Variants in RPS6KA5 observed in about 807,000 individuals in gnomAD.
The protein encoded by RPS6KA5 is ribosomal protein S6 kinase A5, also known as ribosomal protein S6 kinase alpha-5.
In RPS6KA5, 27 loss-of-function variants were observed where a neutral mutation model predicts 85.5. The observed-to-expected ratio is 0.32, with a 90% CI of 0.23 to 0.44. The LOEUF is 0.44. Ranked by LOEUF, RPS6KA5 falls within the 20% of genes least tolerant of loss-of-function variation. The pLI, the probability that RPS6KA5 is intolerant of heterozygous loss-of-function variation, is 1.00. For missense variants in RPS6KA5, 811 were observed against 980.9 expected, an observed-to-expected ratio of 0.83 and a Z score of 2.31; for synonymous variants, 334 against 348.2, an observed-to-expected ratio of 0.96 and a Z score of 0.46.
chr14:90,966,901 C>T (rs2039089606), intron 3 of RPS6KA5, among the ~76,000 whole-genome samples: 1 of 152,138 alleles, frequency 6.6e-6, no homozygotes, highest in Non-Finnish European at 1.5e-5. Flanking sequence ...ACAGTAAGAA[C>T]ATCTTTCTTG....
At chr14:90,885,501 C>A (rs1190716802) in intron 14 of RPS6KA5, among the ~76,000 whole-genome samples, 1 of 91,884 alleles carries the variant, frequency 1.1e-5, no homozygotes, top group East Asian at 3.1e-4. Flanking sequence ...TGCAGTGAGC[C>A]GAGATCCCGC....
intron 5 of RPS6KA5, among the ~76,000 whole-genome samples, 196 bp from the exon 6 acceptor site, chr14:90,923,392 C>T (rs1219659380): frequency 6.6e-6 from 1 of 152,088 alleles, no homozygotes; most frequent in Non-Finnish European, 1.5e-5. Flanking sequence ...TCATCCCATC[C>T]CATCAGAAAG....
intron 3 of RPS6KA5, among the ~76,000 whole-genome samples, chr14:90,977,538 G>A (rs767315841): frequency 3.9e-5 from 6 of 152,204 alleles, no homozygotes; most frequent in Non-Finnish European, 8.8e-5. Flanking sequence ...TTTTCACCAG[G>A]AATGCAAAGC....
intron 5 of RPS6KA5, among the ~76,000 whole-genome samples, chr14:90,938,555 G>A (rs1188384865): frequency 6.6e-6 from 1 of 152,258 alleles, no homozygotes. Context: ...GCAAACGTCT[G>A]CCTGGGCATC....
chr14:90,982,564 G>C (rs569606235), intron 2 of RPS6KA5, among the ~76,000 whole-genome samples: 1 of 152,338 alleles, frequency 6.6e-6, no homozygotes, highest in African/African-American at 2.4e-5. Flanking sequence ...TCTAATTTCT[G>C]CATCAACATG....
At position 90,884,949 on chromosome 14, in the gene RPS6KA5, G is replaced by A. The variant is rs1028486226; in HGVS notation, c.1836+5538C>T. 2.6e-5 allele frequency among the ~76,000 whole-genome samples: 4 copies of A among 152,062 alleles called. 1 individual carries two copies. The East Asian group carries it at 7.7e-4, about 29-fold the overall frequency. On this transcript the variant is annotated intron_variant, in intron 14 of 16. Coordinates refer to ENST00000614987, the MANE Select transcript of RPS6KA5 (RefSeq NM_004755.4). ...GCCCCACTTCTTAACAGGTATGTTTGTGGCTAAATATAAGAAAGCAGGGCA... is the reference window on the plus strand; with the variant it reads ...GCCCCACTTCTTAACAGGTATGTTTATGGCTAAATATAAGAAAGCAGGGCA...
At chr14:90,979,645 C>T (rs892732695) in intron 2 of RPS6KA5, among the ~76,000 whole-genome samples, 1 of 152,224 alleles carries the variant, frequency 6.6e-6, no homozygotes, top group Admixed American at 6.5e-5. Flanking sequence ...AGTACCAACA[C>T]ACAATGTGCA....
At chr14:91,014,649 G>T (rs2041406071) in intron 1 of RPS6KA5, among the ~76,000 whole-genome samples, 1 of 151,878 alleles carries the variant, frequency 6.6e-6, no homozygotes, top group Non-Finnish European at 1.5e-5. Flanking sequence ...TAGAAAAACT[G>T]CTTATTTCTA....
chr14:91,060,610 C>T lies in RPS6KA5; in HGVS notation c.-176G>A. 1 of 877,318 alleles carries T rather than the reference C, an allele frequency of 1.1e-6. No individual in the cohort carries two copies. The highest frequency in any genetic ancestry group is 1.5e-6 in the Non-Finnish European group (1 of 664,168). 54.3% of individuals were successfully genotyped at this position (877,318 alleles called of 1,614,324 possible). ...TGGCCGCACGGCTCGCTCCTCGCCTCCTCCCCCTTCGGCGGGCACCGCTAG... is the reference window on the plus strand; with the variant it reads ...TGGCCGCACGGCTCGCTCCTCGCCTTCTCCCCCTTCGGCGGGCACCGCTAG... On this transcript the variant is annotated 5_prime_UTR_variant, in exon 1 of 17. Coordinates refer to ENST00000614987, the MANE Select transcript of RPS6KA5 (RefSeq NM_004755.4).
chr14:90,920,429 CCTT>C, intron 6 of RPS6KA5, 120 bp from the exon 7 acceptor site: 1 of 681,216 alleles, frequency 1.5e-6, no homozygotes, highest in African/African-American at 1.8e-5. Flanking sequence ...TTGTACACCT[CCTT>C]CTATGTAAGG....
At position 90,872,027 on chromosome 14, in the gene RPS6KA5, C is replaced by A; in HGVS notation, c.*47G>T. The A allele has an allele frequency of 6.4e-7, 1 of 1,571,214 alleles. No homozygotes were observed. Among genetic ancestry groups the A allele is most frequent in the East Asian group, 2.2e-5 (1 of 44,520 alleles). On this transcript the variant is annotated 3_prime_UTR_variant, in exon 17 of 17. Transcript: ENST00000614987. ...CATAAAAGATCGCCTCAGGCATATG[C>A]TGAGGGAATAAAGGTGCAATGGATC...
At chr14:90,973,520 CA>C (rs1236433050) in intron 3 of RPS6KA5, among the ~76,000 whole-genome samples, 1 of 151,694 alleles carries the variant, frequency 6.6e-6, no homozygotes, top group African/African-American at 2.4e-5. Context: ...TTTTTTCCCC[CA>C]AACAAGTAGA....
At chr14:91,033,828 AC>A (rs2042290924) in intron 1 of RPS6KA5, among the ~76,000 whole-genome samples, 2 of 152,322 alleles carry the variant, frequency 1.3e-5, no homozygotes, top group Admixed American at 1.3e-4. Flanking sequence ...GAAACAAAAA[AC>A]GTTTACAGCA....
chr14:91,049,047 C>T (rs1236625656), intron 1 of RPS6KA5, among the ~76,000 whole-genome samples: 1 of 152,140 alleles, frequency 6.6e-6, no homozygotes, highest in Non-Finnish European at 1.5e-5. Flanking sequence ...GGCTTTTCCC[C>T]GCTACAGACT....
At chr14:90,878,715 C>T (rs1445450431) in intron 14 of RPS6KA5, among the ~76,000 whole-genome samples, 1 of 152,194 alleles carries the variant, frequency 6.6e-6, no homozygotes, top group Admixed American at 6.5e-5. Flanking sequence ...CTCTAAAAGA[C>T]AACCTACTGT....
At chr14:91,056,539 T>C (rs978374704) in intron 1 of RPS6KA5, among the ~76,000 whole-genome samples, 6 of 152,172 alleles carry the variant, frequency 3.9e-5, no homozygotes, top group African/African-American at 1.4e-4. Context: ...AATAAAGCCA[T>C]CACATAGTGA....
At chr14:91,043,989 G>T (rs185382715) in intron 1 of RPS6KA5, among the ~76,000 whole-genome samples, 3 of 152,084 alleles carry the variant, frequency 2.0e-5, no homozygotes, top group Admixed American at 2.0e-4. Flanking sequence ...CACTTTTGGC[G>T]GCCAAGGAGG....
chr14:91,021,228 A>C (rs1480468361), intron 1 of RPS6KA5, among the ~76,000 whole-genome samples: 1 of 152,136 alleles, frequency 6.6e-6, no homozygotes, highest in African/African-American at 2.4e-5. Flanking sequence ...TGACTCTTCC[A>C]CTTCTTCCAA....
chr14:90,897,592 G>A (rs189559844), intron 12 of RPS6KA5, among the ~76,000 whole-genome samples: 82 of 152,300 alleles, frequency 5.4e-4, no homozygotes, highest in African/African-American at 1.8e-3. Context: ...CTGCATATTA[G>A]ATTGATAATG....
Sources: gnomAD v4.1 joint callset for allele counts (sites outside exome capture counted in the v4.1 genomes callset) on GRCh38, gnomAD v4.1.1 for gene constraint, MANE v1.5 for transcripts, NCBI Gene and HGNC (gene_info 2026-07-23, HGNC 2026-07-21) for gene names.